The following TDRD5 variants were observed in gnomAD, a reference collection of about 807,000 sequenced individuals.
TDRD5 encodes the protein tudor domain-containing protein 5.
In TDRD5, 41 loss-of-function variants were observed where a neutral mutation model predicts 120.6. That is an observed-to-expected ratio of 0.34 (90% confidence interval 0.26 to 0.44). The LOEUF (loss-of-function observed/expected upper bound fraction) is 0.44, where lower values mean the gene tolerates loss of function less well. Among genes scored for constraint, TDRD5 ranks in the 20% least tolerant of loss-of-function variants. The pLI, the probability that TDRD5 is intolerant of heterozygous loss-of-function variation, is 1.00. For missense variants in TDRD5, 1,006 were observed against 1,221.2 expected (o/e 0.82, Z 2.63); for synonymous variants, 430 against 433.7 (o/e 0.99, Z 0.11).
intron 9 of TDRD5, among the ~76,000 whole-genome samples, chr1:179,638,158 T>TTTGGGG (rs1553327630): frequency 2.3e-5 from 3 of 132,392 alleles, no homozygotes; most frequent in South Asian, 2.5e-4. Context: ...CATGGGAAGA[T>TTTGGGG]GTTTTCTCTT....
chr1:179,657,787 C>T (rs1035219319), intron 14 of TDRD5, among the ~76,000 whole-genome samples: 1 of 152,036 alleles, frequency 6.6e-6, no homozygotes, highest in African/African-American at 2.4e-5. Flanking sequence ...TATATGTATA[C>T]ACTGTAGCAT....
intron 7 of TDRD5, among the ~76,000 whole-genome samples, chr1:179,634,077 A>G (rs1284926871): frequency 6.6e-6 from 1 of 151,554 alleles, no homozygotes; most frequent in Non-Finnish European, 1.5e-5. Context: ...AGGCTGAGGC[A>G]GGAGAATGGT....
chr1:179,598,771 A>G (rs1257627777), intron 4 of TDRD5, among the ~76,000 whole-genome samples: 1 of 151,406 alleles, frequency 6.6e-6, no homozygotes, highest in African/African-American at 2.4e-5. Context: ...TCTAGCAGCT[A>G]TTTTGTAGAG....
intron 4 of TDRD5, 43 bp downstream of exon 4, chr1:179,595,861 A>G (rs1359815123): frequency 3.2e-6 from 5 of 1,542,494 alleles, no homozygotes; most frequent in Admixed American, 4.0e-5. Context: ...CGATGTTTTT[A>G]AATTCAGTGG....
intron 4 of TDRD5, among the ~76,000 whole-genome samples, chr1:179,610,815 A>AT (rs981562944): frequency 2.0e-5 from 3 of 151,566 alleles, no homozygotes; most frequent in African/African-American, 7.3e-5. Flanking sequence ...CTTTTTTTCT[A>AT]TTTTTTTCCT....
At chr1:179,624,707 G>A (rs563636089) in intron 6 of TDRD5, among the ~76,000 whole-genome samples, 7 of 152,196 alleles carry the variant, frequency 4.6e-5, no homozygotes, top group Non-Finnish European at 7.4e-5. Flanking sequence ...CATGTACACC[G>A]AAAACTAATA....
At chr1:179,666,627 G>A (rs578142988) in intron 16 of TDRD5, among the ~76,000 whole-genome samples, 4 of 152,138 alleles carry the variant, frequency 2.6e-5, no homozygotes, top group Non-Finnish European at 4.4e-5. Context: ...GCCCTATGCC[G>A]TTTTCTTACT....
intron 17 of TDRD5, among the ~76,000 whole-genome samples, chr1:179,687,897 G>A (rs1263875523): frequency 6.7e-6 from 1 of 148,360 alleles, no homozygotes; most frequent in Non-Finnish European, 1.5e-5. Flanking sequence ...CATTTGCTTG[G>A]TAGTTCTTCC....
intron 13 of TDRD5, among the ~76,000 whole-genome samples, 179 bp downstream of exon 13, chr1:179,652,376 G>A (rs1678770030): frequency 6.6e-6 from 1 of 152,064 alleles, no homozygotes; most frequent in Non-Finnish European, 1.5e-5. Flanking sequence ...GCCTCTTCCT[G>A]AACAGTTGCT....
intron 17 of TDRD5, among the ~76,000 whole-genome samples, chr1:179,690,011 C>T (rs966313655): frequency 2.0e-5 from 3 of 152,282 alleles, no homozygotes; most frequent in African/African-American, 4.8e-5. Flanking sequence ...CCCGGTGAGG[C>T]GATGCCTCAC....
At chr1:179,642,169 C>T (rs531140811) in intron 11 of TDRD5, among the ~76,000 whole-genome samples, 3 of 151,476 alleles carry the variant, frequency 2.0e-5, no homozygotes, top group Admixed American at 1.3e-4. Context: ...GGTGCAATCT[C>T]GGCTCACTCC....
At chr1:179,643,020 A>G (rs1254076809) in intron 11 of TDRD5, among the ~76,000 whole-genome samples, 7 of 152,204 alleles carry the variant, frequency 4.6e-5, no homozygotes, top group Admixed American at 6.5e-5. Context: ...GAAGGTAGGG[A>G]ACCACAGAAT....
chr1:179,665,019 C>G (rs1261995842), intron 16 of TDRD5, among the ~76,000 whole-genome samples: 3 of 151,950 alleles, frequency 2.0e-5, no homozygotes, highest in African/African-American at 4.8e-5. Context: ...TTTCCATATC[C>G]CTGATGGCTA....
chr1:179,672,737 T>G (rs971142060), intron 17 of TDRD5, among the ~76,000 whole-genome samples: 2 of 152,206 alleles, frequency 1.3e-5, no homozygotes, highest in Non-Finnish European at 2.9e-5. Flanking sequence ...AGGTCTTAGA[T>G]TTAAGTCTTT....
At chr1:179,665,756 A>G (rs984945309) in intron 16 of TDRD5, among the ~76,000 whole-genome samples, 14 of 152,192 alleles carry the variant, frequency 9.2e-5, no homozygotes, top group African/African-American at 3.1e-4. Flanking sequence ...TTACTGTATC[A>G]TAATGAACTC....
chr1:179,685,765 G>T (rs1192676999), intron 17 of TDRD5, among the ~76,000 whole-genome samples: 1 of 152,112 alleles, frequency 6.6e-6, no homozygotes, highest in Non-Finnish European at 1.5e-5. Flanking sequence ...CACATCCCTT[G>T]TAAATTGGAT....
chr1:179,619,205 T>C (rs1676716723), intron 5 of TDRD5, among the ~76,000 whole-genome samples: 1 of 152,318 alleles, frequency 6.6e-6, no homozygotes, highest in East Asian at 1.9e-4. Context: ...CTAAAATGCT[T>C]GAACAGATTT....
At chr1:179,606,706 A>G (rs985775255) in intron 4 of TDRD5, among the ~76,000 whole-genome samples, 7 of 152,088 alleles carry the variant, frequency 4.6e-5, no homozygotes, top group African/African-American at 1.2e-4. Context: ...TGAAAAGACT[A>G]TGTTTGATTC....
At chr1:179,640,709 A>G (rs191827694) in intron 11 of TDRD5, among the ~76,000 whole-genome samples, 1 of 152,312 alleles carries the variant, frequency 6.6e-6, no homozygotes, top group Admixed American at 6.5e-5. Flanking sequence ...GAGGCATTTG[A>G]GTGGCACTTT....
Sources: allele counts gnomAD v4.1 joint callset (sites outside exome capture counted in the v4.1 genomes callset), GRCh38; gene constraint gnomAD v4.1.1; transcripts MANE v1.5; gene names NCBI Gene and HGNC (gene_info 2026-07-23, HGNC 2026-07-21).